The following GET4 variants were observed in gnomAD, a reference collection of about 807,000 sequenced individuals.
The protein encoded by GET4 is Golgi to ER traffic protein 4 homolog.
A neutral mutation model predicts 40.0 loss-of-function variants in GET4; 20 were observed. The ratio of observed to expected loss-of-function variants is 0.50; its 90% CI spans 0.35 to 0.73. The LOEUF is 0.73. GET4 is among the 30% of genes least tolerant of loss of function. The pLI, the probability that GET4 is intolerant of heterozygous loss-of-function variation, is 0.01. For missense variants in GET4, 557 were observed against 454.0 expected (o/e 1.23, Z -2.06); for synonymous variants, 280 against 194.6 (o/e 1.44, Z -3.65).
In GET4 at chr7:887,439, C is replaced by T; in HGVS notation, c.386C>T (p.Ala129Val). 2.5e-6 allele frequency: 4 copies of T among 1,602,684 alleles called. No individual in the cohort carries two copies. Among genetic ancestry groups the T allele is most frequent in the Non-Finnish European group, 3.4e-6 (4 of 1,173,164 alleles). Residue 129 changes from alanine to valine, a missense_variant, in exon 4 of 9, where the codon GCC becomes GTC. Physicochemically the swap from Ala to Val is moderately conservative, Grantham distance 64. Coordinates refer to ENST00000265857, the MANE Select transcript of GET4 (RefSeq NM_015949.3). ...GAGCGCGTGACCTTTGTGTCCAGAGCCCTGAAGTGGTCCAGTGGGGGCTCC... is the reference window on the plus strand; with the variant it reads ...GAGCGCGTGACCTTTGTGTCCAGAGTCCTGAAGTGGTCCAGTGGGGGCTCC... ...SPERVTFVSRALKWSSGGSGK... is the reference protein window; with the variant it reads ...SPERVTFVSRVLKWSSGGSGK...
At chr7:883,760 C>T in intron 1 of GET4, 1 of 988,006 alleles carries the variant, frequency 1.0e-6, no homozygotes, top group African/African-American at 1.7e-5. Flanking sequence ...CTGGCTTAGT[C>T]ACCTGGAAAC....
chr7:876,999 G>A (rs1307431042), intron 1 of GET4, among the ~76,000 whole-genome samples, 199 bp downstream of exon 1: 1 of 151,730 alleles, frequency 6.6e-6, no homozygotes, highest in East Asian at 1.9e-4. Context: ...CGGCGCCCCC[G>A]TTCCCTCGGC....
chr7:895,307 T>C (rs1339271139), intron 8 of GET4, 27 bp from the exon 9 acceptor site: 1 of 1,246,932 alleles, frequency 8.0e-7, no homozygotes, highest in Admixed American at 1.8e-5. Flanking sequence ...TGCCCAGGCG[T>C]GACTGCCACG....
At chr7:892,501 T>G (rs1238361361) in intron 6 of GET4, 83 bp downstream of exon 6, 1 of 1,430,306 alleles carries the variant, frequency 7.0e-7, no homozygotes, top group African/African-American at 1.4e-5. Flanking sequence ...TGTGTGGGTG[T>G]GTGTGCAAGT....
In GET4 at chr7:890,991, A is replaced by G. The variant is rs749335987; in HGVS notation, c.530A>G (p.Asn177Ser). ...TCAGCGGACGGGGAGGGCTGTGCCAACATGCTGGTGGAGTATTCCACGTCC... is the reference window on the plus strand; with the variant it reads ...TCAGCGGACGGGGAGGGCTGTGCCAGCATGCTGGTGGAGTATTCCACGTCC... The part of the protein sequence containing the change: ...LHSADGEGCA[N>S]MLVEYSTSRG... Residue 177 changes from asparagine to serine, a missense_variant, in exon 5 of 9, where the codon AAC becomes AGC. Transcript: ENST00000265857. 6.2e-6 allele frequency: 10 copies of G among 1,611,302 alleles called. No individual in the cohort carries two copies. The East Asian group carries it at 1.1e-4, about 18-fold the overall frequency.
chr7:890,437 G>A (rs1357408837), intron 4 of GET4, among the ~76,000 whole-genome samples: 1 of 149,930 alleles, frequency 6.7e-6, no homozygotes, highest in Non-Finnish European at 1.5e-5. Flanking sequence ...TGGAGGGAGT[G>A]TGAGCGGGTG....
chr7:884,506 G>A (rs1844149055), intron 1 of GET4: 1 of 466,570 alleles, frequency 2.1e-6, no homozygotes, highest in Non-Finnish European at 3.6e-6. Flanking sequence ...TTGGGTGCGG[G>A]CTTTTCCCTC....
intron 8 of GET4, 149 bp downstream of exon 8, chr7:894,120 A>G: frequency 1.7e-6 from 1 of 578,424 alleles, no homozygotes; most frequent in Non-Finnish European, 3.0e-6. Flanking sequence ...GTTAGTAGGA[A>G]ATTATTAGAT....
At chr7:878,437 A>G in intron 1 of GET4, 1 of 463,542 alleles carries the variant, frequency 2.2e-6, no homozygotes, top group Non-Finnish European at 4.5e-6. Flanking sequence ...ATCATTTCAG[A>G]GGATTTAGTA....
chr7:893,379 G>GGT (rs1302337970), intron 6 of GET4, among the ~76,000 whole-genome samples: 1 of 118,846 alleles, frequency 8.4e-6, no homozygotes, highest in African/African-American at 3.2e-5. Context: ...GGCGTGGTGT[G>GGT]TGCAGGTGAG....
In GET4 at chr7:886,097, T is replaced by G. The variant is rs761603207; in HGVS notation, c.197T>G (p.Met66Arg). ...QSKHTEAREL[M>R]YSGALLFFSH... ...AAGCACACGGAGGCCCGGGAGCTCA[T>G]GTACTCGGGAGCCCTGCTCTTCTTC... Residue 66 changes from methionine to arginine, a missense_variant, in exon 2 of 9, where the codon ATG becomes AGG. Coordinates refer to ENST00000265857, the MANE Select transcript of GET4 (RefSeq NM_015949.3). 1 of 1,610,318 alleles carries G rather than the reference T, an allele frequency of 6.2e-7. No homozygotes were observed. Among genetic ancestry groups the G allele is most frequent in the Non-Finnish European group, 8.5e-7 (1 of 1,177,636 alleles).
At position 894,843 on chromosome 7, in the gene GET4, G is replaced by A. The variant is rs370754482; in HGVS notation, c.896-491G>A. Among the ~76,000 whole-genome samples, 36 of 152,318 alleles carry A rather than the reference G, an allele frequency of 2.4e-4. 1 individual carries two copies. The highest frequency in any genetic ancestry group is 4.1e-4 in the Non-Finnish European group (28 of 68,042). ...TGTACGTACAGAGTAGTTGTTGATTGGATAAAAATCAGATGACAGTGACCG... is the reference window on the plus strand; with the variant it reads ...TGTACGTACAGAGTAGTTGTTGATTAGATAAAAATCAGATGACAGTGACCG... On this transcript the variant is annotated intron_variant, in intron 8 of 8. Transcript: ENST00000265857.
At chr7:889,049 C>T (rs992199948) in intron 4 of GET4, among the ~76,000 whole-genome samples, 4 of 152,258 alleles carry the variant, frequency 2.6e-5, no homozygotes, top group African/African-American at 9.6e-5. Flanking sequence ...TGCATGGCAG[C>T]TCCTAAGATG....
At chr7:892,448 G>C in intron 6 of GET4, 30 bp downstream of exon 6, 4 of 1,580,512 alleles carry the variant, frequency 2.5e-6, no homozygotes, top group Non-Finnish European at 3.5e-6. Context: ...AGGGGGAGGG[G>C]GCTGTGAATG....
chr7:892,257 C>T (rs773572536), intron 5 of GET4, 21 bp from the exon 6 acceptor site: 2 of 1,583,856 alleles, frequency 1.3e-6, no homozygotes, highest in Admixed American at 3.4e-5. Flanking sequence ...CCTTCCACCA[C>T]CAGCATGTTC....
At position 876,656 on chromosome 7, in the gene GET4, C is replaced by T. The variant is rs1386545316; in HGVS notation, c.11C>T (p.Ala4Val). The T allele has an allele frequency of 4.7e-6, 6 of 1,279,720 alleles. No individual in the cohort carries two copies. The highest frequency in any genetic ancestry group is 3.0e-4 in the Middle Eastern group (1 of 3,332). 79.3% of individuals were successfully genotyped at this position (1,279,720 alleles called of 1,614,324 possible). A position where few individuals can be genotyped will look rare whatever the true frequency, so the allele number is the denominator to read the frequency against. The part of the protein sequence containing the change: MAA[A>V]AAMAEQESAR... ...CGGAGCGCCGGCCCGATGGCGGCGGCGGCGGCGATGGCCGAGCAGGAGAGC... is the reference window on the plus strand; with the variant it reads ...CGGAGCGCCGGCCCGATGGCGGCGGTGGCGGCGATGGCCGAGCAGGAGAGC... The change falls in exon 1 of 9, where the codon GCG (alanine) becomes GTG (valine). Residue 4 changes from alanine to valine, a missense_variant. By Grantham distance (64) the Ala-to-Val change is moderately conservative. Coordinates refer to ENST00000265857, the MANE Select transcript of GET4 (RefSeq NM_015949.3).
intron 1 of GET4, chr7:878,385 G>T (rs1429446302): frequency 6.4e-6 from 3 of 470,836 alleles, no homozygotes; most frequent in Non-Finnish European, 1.3e-5. Context: ...TCAGGTCAGG[G>T]AACAGTCTGG....
At chr7:876,885 TGGGCCGCGCCGCTGCCCGTCGC>T in intron 1 of GET4, 85 bp downstream of exon 1, 11 of 735,482 alleles carry the variant, frequency 1.5e-5, no homozygotes, top group Non-Finnish European at 1.9e-5. Context: ...GCGCCCCCAT[TGGGCCGCGCCGCTGCCCGTCGC>T]GGGGGCGAGC....
intron 1 of GET4, chr7:884,250 G>A (rs865901750): frequency 1.0e-4 from 130 of 1,304,032 alleles, no homozygotes; most frequent in African/African-American, 3.6e-4. Context: ...GAGGCCAGGC[G>A]TGTCTGGGAG....
Sources: allele counts gnomAD v4.1 joint callset (sites outside exome capture counted in the v4.1 genomes callset), GRCh38; gene constraint gnomAD v4.1.1; transcripts MANE v1.5; gene names NCBI Gene and HGNC (gene_info 2026-07-23, HGNC 2026-07-21).